Variants in DPP9 observed in about 807,000 individuals in gnomAD.
The protein encoded by DPP9 is dipeptidyl peptidase IV-related protein-2.
A neutral mutation model predicts 110.7 loss-of-function variants in DPP9; 50 were observed. The ratio of observed to expected loss-of-function variants is 0.45; its 90% confidence interval spans 0.36 to 0.57. DPP9 has a LOEUF of 0.57. DPP9 is among the 20% of genes least tolerant of loss of function. DPP9 has a pLI of 0.00. For synonymous variants in DPP9, 561 were observed against 514.4 expected (o/e 1.09, Z -1.23); for missense variants, 1,022 against 1,217.9 (o/e 0.84, Z 2.39).
At position 4,683,573 on chromosome 19, in the gene DPP9, A is replaced by G. The variant is rs2090235193; in HGVS notation, c.2235T>C (p.Tyr745=). ...VEGLQFVAEK[Y]GFIDLSRVAI... is the part of the protein sequence containing the mutation. ...CAACTCGGCTCAGGTCGATGAAGCC[A>G]TACTTCTCGGCCACGAACTGCAGGC... is the stretch of plus-strand genomic sequence containing the variant. Residue 745 remains tyrosine (Y), a synonymous_variant, in exon 19 of 22, where the codon TAT becomes TAC. Coordinates refer to ENST00000262960, the MANE Select transcript of DPP9 (RefSeq NM_139159.5). 6 of 1,613,524 alleles carry G rather than the reference A, an allele frequency of 3.7e-6. No individual in the cohort carries two copies. Among genetic ancestry groups the G allele is most frequent in the Non-Finnish European group, 5.1e-6 (6 of 1,179,862 alleles).
rs1425276011 is a variant in DPP9, at chr19:4,698,485, C to T, written c.1075-834G>A. On this transcript the variant is annotated intron_variant, in intron 10 of 21. Transcript: ENST00000262960. This position sits in a 1 kb window ranked among gnomAD's most constrained non-coding sequence, Gnocchi z 4.2. Reference sequence around the variant, plus strand: ...AGCCTGGCGGGGCCAGGTGCGGTGGCTCACACCTGTAATCCCAGCACCTTG... The same window carrying T: ...AGCCTGGCGGGGCCAGGTGCGGTGGTTCACACCTGTAATCCCAGCACCTTG... Among the ~76,000 whole-genome samples, 1 of 152,188 alleles carries T rather than the reference C, an allele frequency of 6.6e-6. No homozygotes were observed. Among genetic ancestry groups the T allele is most frequent in the Non-Finnish European group, 1.5e-5 (1 of 68,044 alleles).
intron 10 of DPP9, among the ~76,000 whole-genome samples, chr19:4,699,911 T>C (rs2092115581): frequency 6.6e-6 from 1 of 152,302 alleles, no homozygotes; most frequent in African/African-American, 2.4e-5. Context: ...CGAGGTGGCC[T>C]GGGAGCACCT....
At position 4,695,571 on chromosome 19, in the gene DPP9, C is replaced by G. The variant is rs374165274; in HGVS notation, c.1176-16G>C. 1 of 1,440,874 alleles carries G rather than the reference C, an allele frequency of 6.9e-7. No individual in the cohort carries two copies. 89.3% of individuals were successfully genotyped at this position (1,440,874 alleles called of 1,614,324 possible). A position where few individuals can be genotyped will look rare whatever the true frequency, so the allele number is the denominator to read the frequency against. On this transcript the variant is annotated splice_polypyrimidine_tract_variant and intron_variant, in intron 11 of 21. Coordinates refer to ENST00000262960, the MANE Select transcript of DPP9 (RefSeq NM_139159.5). This position sits in a 1 kb window ranked among gnomAD's most constrained non-coding sequence, Gnocchi z 4.7. The stretch of plus-strand genomic sequence containing the variant: ...GGCCCAGGCGCTAAGGGGGAAGATG[C>G]GGGGGAAGATGAGAGGGAAGCTGGG...
chr19:4,681,467 T>TCA (rs1463368236), intron 20 of DPP9, among the ~76,000 whole-genome samples: 1 of 151,726 alleles, frequency 6.6e-6, no homozygotes, highest in African/African-American at 2.4e-5. Context: ...CAGGTGTGTG[T>TCA]CACCACACCT....
At chr19:4,701,724 A>G (rs963515687) in intron 9 of DPP9, among the ~76,000 whole-genome samples, 2 of 152,242 alleles carry the variant, frequency 1.3e-5, no homozygotes, top group Admixed American at 6.5e-5. Context: ...TCTGTGCTCC[A>G]GCAGCAGGGT....
intron 18 of DPP9, 21 bp from the exon 19 acceptor site, chr19:4,683,650 C>T: frequency 6.2e-7 from 1 of 1,613,288 alleles, no homozygotes; most frequent in Non-Finnish European, 8.5e-7. Flanking sequence ...AAGCCGGGCA[C>T]CTCTCAGTGG....
Position 4,705,862 on chromosome 19 carries a change from A to G in DPP9, c.422T>C (p.Phe141Ser). 1 of 1,613,874 alleles carries G rather than the reference A, an allele frequency of 6.2e-7. No homozygotes were observed. Among genetic ancestry groups the G allele is most frequent in the Non-Finnish European group, 8.5e-7 (1 of 1,179,780 alleles). The change falls in exon 5 of 22, where the codon TTC (phenylalanine) becomes TCC (serine). Residue 141 changes from phenylalanine (F) to serine (S), a missense_variant. By Grantham distance (155) the Phe-to-Ser change is radical. This residue lies in a region of DPP9 where 810 missense variants were observed against 920.6 expected (regional missense o/e 0.88). Transcript: ENST00000262960. ...LLSWKQMLDH[F>S]QATPHHGVYS... Reference sequence around the variant, plus strand: ...ACGCCTAATAGCACAGCTTACCTGGAAATGATCCAGCATCTGCTTCCAGGA... The same window carrying G: ...ACGCCTAATAGCACAGCTTACCTGGGAATGATCCAGCATCTGCTTCCAGGA...
intron 3 of DPP9, chr19:4,719,629 C>T (rs2093230790): frequency 1.7e-6 from 1 of 603,414 alleles, no homozygotes. Context: ...GGGATGGCCC[C>T]ACCCCAGAGA....
rs1428666334 is a variant in DPP9 at position 4,695,280 on chromosome 19, C to T, written c.1353+98G>A. 5.3e-6 allele frequency: 7 copies of T among 1,325,570 alleles called. No individual in the cohort carries two copies. The highest frequency in any genetic ancestry group is 2.4e-4 in the Middle Eastern group (1 of 4,110). 82.1% of individuals were successfully genotyped at this position (1,325,570 alleles called of 1,614,324 possible). The stretch of plus-strand genomic sequence containing the variant: ...TCACTTCTCCACACAAGGGCAAACA[C>T]CACCTGCCATTGGCGCTCAGCCTTC... On this transcript the variant is annotated intron_variant, in intron 12 of 21. Transcript: ENST00000262960. This position sits in a 1 kb window ranked among gnomAD's most constrained non-coding sequence, Gnocchi z 4.7.
chr19:4,683,150 G>C, intron 19 of DPP9: 3 of 1,447,328 alleles, frequency 2.1e-6, no homozygotes, highest in Non-Finnish European at 2.7e-6. Context: ...GACTGCCGCC[G>C]GCCTGGGGCC....
At chr19:4,707,785 C>A (rs1017883885) in intron 4 of DPP9, among the ~76,000 whole-genome samples, 1 of 151,936 alleles carries the variant, frequency 6.6e-6, no homozygotes, top group East Asian at 1.9e-4. Flanking sequence ...ACCACCACAC[C>A]CGGCTAATTT....
intron 9 of DPP9, 137 bp downstream of exon 9, chr19:4,701,890 C>A (rs1162126989): frequency 2.4e-6 from 3 of 1,260,764 alleles, no homozygotes; most frequent in Non-Finnish European, 3.3e-6. Flanking sequence ...AGGGCAGAAG[C>A]CTTCCTTCTA....
Position 4,682,653 on chromosome 19 carries a change from G to C in DPP9, c.2474+43C>G, listed in dbSNP as rs2145359707. On this transcript the variant is annotated intron_variant, in intron 20 of 21. Coordinates refer to ENST00000262960, the MANE Select transcript of DPP9 (RefSeq NM_139159.5). The surrounding 1 kb of genome is among the most constrained non-coding windows in gnomAD (Gnocchi z 7.1). ...AGAGACAGCTGGTGCCGGGGTGCAG[G>C]AGAAGCCCCGGGGAGGAGCGCAGGG... The C allele has an allele frequency of 6.3e-7, 1 of 1,598,098 alleles. No individual in the cohort carries two copies. The highest frequency in any genetic ancestry group is 1.7e-5 in the Admixed American group (1 of 58,028).
chr19:4,702,808 G>C, intron 7 of DPP9, 92 bp from the exon 8 acceptor site: 2 of 377,350 alleles, frequency 5.3e-6, no homozygotes, highest in South Asian at 2.9e-5. Flanking sequence ...GAGAGAGAGG[G>C]AGAGAGAAGG....
In DPP9 at chr19:4,685,874, C is replaced by T. The variant is rs1177401168; in HGVS notation, c.1886-103G>A. 7.3e-7 allele frequency: 1 copy of T among 1,372,646 alleles called. No homozygotes were observed. Among genetic ancestry groups the T allele is most frequent in the Non-Finnish European group, 9.8e-7 (1 of 1,017,480 alleles). The allele number at this position is 1,372,646 out of a possible 1,614,324, so 85.0% of individuals were successfully genotyped here. On this transcript the variant is annotated intron_variant, in intron 16 of 21. Coordinates refer to ENST00000262960, the MANE Select transcript of DPP9 (RefSeq NM_139159.5). This position sits in a 1 kb window ranked among gnomAD's most constrained non-coding sequence, Gnocchi z 5.8. ...AAGCCTTGGAGGGTGGACCAAAGCA[C>T]CCCCTCTTTTCCTGGGCTTCCCGAG...
intron 4 of DPP9, among the ~76,000 whole-genome samples, chr19:4,707,106 G>A (rs2092622269): frequency 6.6e-6 from 1 of 152,208 alleles, no homozygotes; most frequent in Non-Finnish European, 1.5e-5. Context: ...GAGCTGCCAA[G>A]CGAGGGTTTT....
intron 3 of DPP9, chr19:4,719,590 G>A (rs1013874044): frequency 1.8e-6 from 1 of 541,896 alleles, no homozygotes; most frequent in African/African-American, 1.9e-5. Flanking sequence ...GTGGAGGCCA[G>A]GGACGCTGCT....
intron 4 of DPP9, among the ~76,000 whole-genome samples, chr19:4,706,624 T>G (rs1166658746): frequency 1.3e-5 from 2 of 152,122 alleles, no homozygotes; most frequent in African/African-American, 4.8e-5. Flanking sequence ...GAGACCAGAC[T>G]GGACAACATG....
chr19:4,722,658 T>A, intron 1 of DPP9, 107 bp from the exon 2 acceptor site: 1 of 680,438 alleles, frequency 1.5e-6, no homozygotes, highest in Non-Finnish European at 2.7e-6. Context: ...CGATTCTACC[T>A]GGCTAGATTC....
Sources: gnomAD v4.1 joint callset for allele counts (sites outside exome capture counted in the v4.1 genomes callset) on GRCh38, gnomAD v4.1.1 for gene constraint, gnomAD v4.1.1 regional missense constraint, Gnocchi (gnomAD v3.1) non-coding constraint, MANE v1.5 for transcripts, NCBI Gene and HGNC (gene_info 2026-07-23, HGNC 2026-07-21) for gene names.